PALLD: variants seen among roughly 807,000 people sequenced by gnomAD.
PALLD encodes the protein palladin.
A neutral mutation model predicts 123.5 loss-of-function variants in PALLD; 61 were observed. The observed-to-expected ratio is 0.49, with a 90% confidence interval of 0.40 to 0.61. PALLD has a LOEUF of 0.61. PALLD is among the 20% of genes least tolerant of loss of function. The pLI is 0.00. For missense variants in PALLD, 1,273 were observed against 1,377.0 expected, an observed-to-expected ratio of 0.92 and a Z score of 1.20; for synonymous variants, 465 against 496.4, an observed-to-expected ratio of 0.94 and a Z score of 0.84.
chr4:168,606,576 A>G (rs1346772576), intron 2 of PALLD, among the ~76,000 whole-genome samples: 1 of 149,210 alleles, frequency 6.7e-6, no homozygotes, highest in Non-Finnish European at 1.5e-5. Flanking sequence ...CGGGAGGCTG[A>G]GGCAGGAGAA....
intron 6 of PALLD, among the ~76,000 whole-genome samples, chr4:168,689,330 C>A (rs1782382585): frequency 6.6e-6 from 1 of 150,578 alleles, no homozygotes; most frequent in African/African-American, 2.4e-5. Context: ...AAACAATTCA[C>A]ACTTCCTAAT....
chr4:168,497,788 A>T (rs1760904120), intron 1 of PALLD, among the ~76,000 whole-genome samples: 1 of 152,236 alleles, frequency 6.6e-6, no homozygotes, highest in South Asian at 2.1e-4. Context: ...ACTAAGGGAA[A>T]CCACAGTGCA....
chr4:168,527,716 C>T (rs1476588887), intron 2 of PALLD, among the ~76,000 whole-genome samples: 1 of 152,162 alleles, frequency 6.6e-6, no homozygotes, highest in Non-Finnish European at 1.5e-5. Context: ...GACAGATCCT[C>T]CTCTTCCCAC....
At chr4:168,815,041 G>A (rs1741712437) in intron 10 of PALLD, among the ~76,000 whole-genome samples, 1 of 152,186 alleles carries the variant, frequency 6.6e-6, no homozygotes, top group African/African-American at 2.4e-5. Flanking sequence ...AAAGCGCTGG[G>A]ATTATAGGCA....
At chr4:168,709,191 AC>A in intron 9 of PALLD, 44 bp downstream of exon 9, 1 of 1,606,482 alleles carries the variant, frequency 6.2e-7, no homozygotes, top group Non-Finnish European at 8.5e-7. Flanking sequence ...GTTCCCCAGC[AC>A]CAGTGTGGAT....
In PALLD at chr4:168,774,727, CAAA is replaced by C. The variant is rs56364164; in HGVS notation, c.1964+62821_1964+62823del. ...TGGGAAACAGAGCAAGACTGCATCT[CAAA>C]AAAAAAAAAAAAAAAAGATAGCAAA... is the stretch of plus-strand genomic sequence containing the variant. On this transcript the variant is annotated intron_variant, in intron 10 of 21. Coordinates refer to ENST00000505667, the MANE Select transcript of PALLD (RefSeq NM_001166108.2). Among the ~76,000 whole-genome samples the C allele has an allele frequency of 3.6e-3, 261 of 73,204 alleles. 4 individuals carry two copies. The highest frequency in any genetic ancestry group is 0.012 in the African/African-American group (244 of 19,652). The allele number at this position is 73,204 out of a possible 152,430, so 48.0% of individuals were successfully genotyped here. A position where few individuals can be genotyped will look rare whatever the true frequency, so the allele number is the denominator to read the frequency against.
chr4:168,500,634 C>T (rs1341794107), intron 1 of PALLD, among the ~76,000 whole-genome samples: 4 of 152,134 alleles, frequency 2.6e-5, no homozygotes, highest in African/African-American at 7.2e-5. Context: ...CCTCAGCCTC[C>T]AACAGTGCTG....
At chr4:168,726,871 G>A (rs1786645888) in intron 10 of PALLD, among the ~76,000 whole-genome samples, 2 of 152,028 alleles carry the variant, frequency 1.3e-5, no homozygotes, top group South Asian at 4.2e-4. Context: ...TCAACCCACA[G>A]CCTCCTCCCT....
intron 10 of PALLD, among the ~76,000 whole-genome samples, chr4:168,809,843 G>T (rs1740803857): frequency 6.8e-6 from 1 of 147,034 alleles, no homozygotes; most frequent in Non-Finnish European, 1.5e-5. Flanking sequence ...CAGCCTGGGT[G>T]ACAGAGAGAG....
At chr4:168,595,945 GA>G (rs530008801) in intron 2 of PALLD, among the ~76,000 whole-genome samples, 14,545 of 114,314 alleles carry the variant, frequency 0.13, 740 homozygotes, top group Admixed American at 0.17. Flanking sequence ...AATTGAAAAG[GA>G]AAAAAAAAAA....
chr4:168,771,822 G>A (rs1734492874), intron 10 of PALLD, among the ~76,000 whole-genome samples: 1 of 152,148 alleles, frequency 6.6e-6, no homozygotes, highest in South Asian at 2.1e-4. Context: ...CACAATCCAG[G>A]TATAAGTCCC....
At chr4:168,855,959 G>A (rs1185809382) in intron 10 of PALLD, among the ~76,000 whole-genome samples, 1 of 152,198 alleles carries the variant, frequency 6.6e-6, no homozygotes, top group Non-Finnish European at 1.5e-5. Flanking sequence ...CCCAGGTGGT[G>A]CACACAGTAC....
Position 168,503,609 on chromosome 4 carries a change from T to C in PALLD, c.-83+6415T>C, listed in dbSNP as rs975085544. The stretch of plus-strand genomic sequence containing the variant: ...TTGCAGTGAGCCAAGATGGAGCCAC[T>C]GCACTCCAGCCTGGGCAACAGAGCG... On this transcript the variant is annotated intron_variant, in intron 1 of 21. Transcript: ENST00000505667. Among the ~76,000 whole-genome samples the C allele has an allele frequency of 4.8e-5, 7 of 144,698 alleles. No homozygotes were observed. The South Asian group carries it at 1.5e-3, about 31-fold the overall frequency. 94.9% of individuals were successfully genotyped at this position (144,698 alleles called of 152,430 possible).
intron 12 of PALLD, among the ~76,000 whole-genome samples, chr4:168,895,364 G>C (rs1754889355): frequency 6.6e-6 from 1 of 152,170 alleles, no homozygotes; most frequent in Admixed American, 6.5e-5. Flanking sequence ...CCTGGCAGCA[G>C]AGTGAGACTT....
chr4:168,715,811 G>A (rs1323099268), intron 10 of PALLD, among the ~76,000 whole-genome samples: 7 of 152,132 alleles, frequency 4.6e-5, no homozygotes, highest in African/African-American at 1.7e-4. Context: ...TTAGCCGGGC[G>A]TGGTGGCAGG....
At chr4:168,553,691 T>A (rs918146315) in intron 2 of PALLD, among the ~76,000 whole-genome samples, 12 of 151,434 alleles carry the variant, frequency 7.9e-5, no homozygotes, top group Non-Finnish European at 2.9e-5. Flanking sequence ...CCATTTTTGT[T>A]GTTGTTGTTG....
At chr4:168,872,647 C>G (rs1169997940) in intron 10 of PALLD, among the ~76,000 whole-genome samples, 1 of 152,180 alleles carries the variant, frequency 6.6e-6, no homozygotes, top group Non-Finnish European at 1.5e-5. Flanking sequence ...AAGCCCAGTG[C>G]AATACATTCT....
At chr4:168,519,434 T>C (rs1358599486) in intron 2 of PALLD, among the ~76,000 whole-genome samples, 1 of 152,252 alleles carries the variant, frequency 6.6e-6, no homozygotes, top group South Asian at 2.1e-4. Flanking sequence ...TGTTAAGCAC[T>C]GTGAATCGGA....
chr4:168,820,876 CAT>C (rs1742620174), intron 10 of PALLD, among the ~76,000 whole-genome samples: 1 of 152,062 alleles, frequency 6.6e-6, no homozygotes, highest in Non-Finnish European at 1.5e-5. Flanking sequence ...GGAGGACAGA[CAT>C]ATATAAATTT....
Sources: gnomAD v4.1 joint callset for allele counts (sites outside exome capture counted in the v4.1 genomes callset) on GRCh38, gnomAD v4.1.1 for gene constraint, MANE v1.5 for transcripts, NCBI Gene and HGNC (gene_info 2026-07-23, HGNC 2026-07-21) for gene names.